The following IMPG1 variants were observed in gnomAD, a reference collection of about 807,000 sequenced individuals.
IMPG1 encodes interphotoreceptor matrix proteoglycan of 150 kDa.
Under a neutral mutation model 92.0 loss-of-function variants are expected in IMPG1, and 85 were observed. The observed-to-expected ratio is 0.92, with a 90% CI of 0.78 to 1.11. IMPG1 has a LOEUF of 1.11. Ranked by LOEUF, IMPG1 falls within the 50% of genes least tolerant of loss-of-function variation. The probability of loss-of-function intolerance (pLI) is 0.00; values close to 1 mark genes in which losing one functional copy is unlikely to be tolerated. For missense variants in IMPG1, 1,022 were observed against 956.0 expected, an observed-to-expected ratio of 1.07 and a Z score of -0.91; for synonymous variants, 367 against 334.1, an observed-to-expected ratio of 1.10 and a Z score of -1.08.
intron 12 of IMPG1, among the ~76,000 whole-genome samples, chr6:75,955,374 A>T (rs1157925063): frequency 6.6e-6 from 1 of 152,148 alleles, no homozygotes; most frequent in African/African-American, 2.4e-5. Flanking sequence ...TCTTTGTAGC[A>T]GTTGTGAATG....
At chr6:76,012,987 A>G (rs767370211) in intron 7 of IMPG1, among the ~76,000 whole-genome samples, 6 of 151,892 alleles carry the variant, frequency 4.0e-5, no homozygotes, top group African/African-American at 7.3e-5. Flanking sequence ...GAATTCCACA[A>G]GGTCTTTTGT....
chr6:76,034,531 G>T (rs886304892), intron 3 of IMPG1, 90 bp downstream of exon 3: 2 of 1,406,342 alleles, frequency 1.4e-6, no homozygotes, highest in East Asian at 2.3e-5. Context: ...TAACCCTTAC[G>T]TTGTGGAAAC....
chr6:75,985,135 G>A (rs1582086159), intron 12 of IMPG1, among the ~76,000 whole-genome samples: 1 of 151,952 alleles, frequency 6.6e-6, no homozygotes, highest in Non-Finnish European at 1.5e-5. Flanking sequence ...TTCTTTTTTT[G>A]TAAACAATAG....
chr6:75,984,314 G>A (rs1251853947), intron 12 of IMPG1, among the ~76,000 whole-genome samples: 1 of 152,168 alleles, frequency 6.6e-6, no homozygotes, highest in Non-Finnish European at 1.5e-5. Flanking sequence ...ATGGAATCAA[G>A]CTAAGTGTCC....
At chr6:76,035,165 T>C (rs1783718899) in intron 2 of IMPG1, among the ~76,000 whole-genome samples, 1 of 151,976 alleles carries the variant, frequency 6.6e-6, no homozygotes, top group African/African-American at 2.4e-5. Flanking sequence ...AGGATGTCAC[T>C]GTGGCCAGAG....
chr6:75,949,331 T>G (rs1031221503), intron 13 of IMPG1, among the ~76,000 whole-genome samples: 1 of 152,158 alleles, frequency 6.6e-6, no homozygotes, highest in Non-Finnish European at 1.5e-5. Flanking sequence ...AAAACCAAGA[T>G]GGCCATGAGA....
chr6:75,928,879 G>T (rs1340788576), intron 15 of IMPG1, among the ~76,000 whole-genome samples: 1 of 152,114 alleles, frequency 6.6e-6, no homozygotes. Context: ...TACATGTACG[G>T]GATCTTTTAT....
chr6:76,062,522 G>C (rs1784224276), intron 1 of IMPG1, among the ~76,000 whole-genome samples: 1 of 152,166 alleles, frequency 6.6e-6, no homozygotes, highest in African/African-American at 2.4e-5. Context: ...GCTGGCATAG[G>C]TTGTGTTTGG....
intron 12 of IMPG1, among the ~76,000 whole-genome samples, chr6:75,971,835 T>G (rs890934479): frequency 4.6e-5 from 7 of 152,234 alleles, no homozygotes; most frequent in Non-Finnish European, 1.0e-4. Context: ...TCAGGTGGAA[T>G]GTAATTGATT....
intron 1 of IMPG1, among the ~76,000 whole-genome samples, chr6:76,046,605 A>C (rs373699728): frequency 6.6e-6 from 1 of 152,222 alleles, no homozygotes; most frequent in Non-Finnish European, 1.5e-5. Flanking sequence ...CCAATGGTAC[A>C]CAGGGCCTGG....
intron 12 of IMPG1, among the ~76,000 whole-genome samples, chr6:75,973,716 T>C (rs1179685490): frequency 6.6e-6 from 1 of 152,184 alleles, no homozygotes; most frequent in Non-Finnish European, 1.5e-5. Flanking sequence ...CTACTGAGGC[T>C]AGGGTGGTGA....
At position 76,005,436 on chromosome 6, in the gene IMPG1, T is replaced by C. The variant is rs1363852894; in HGVS notation, c.986A>G (p.Lys329Arg). 6.2e-7 allele frequency: 1 copy of C among 1,613,954 alleles called. No individual in the cohort carries two copies. The highest frequency in any genetic ancestry group is 1.3e-5 in the African/African-American group (1 of 74,918). ...ASDLLSFDSN[K>R]IESEEVYHGT... ...ATGATAGACTTCCTCACTTTCAATT[T>C]TGTTGGAATCAAAAGACAGGAGGTC... The change falls in exon 10 of 17, where the codon AAA becomes AGA. Residue 329 changes from lysine (K) to arginine (R), a missense_variant. Coordinates refer to ENST00000369950, the MANE Select transcript of IMPG1 (RefSeq NM_001563.4).
At chr6:75,951,591 A>AT (rs397769586) in intron 12 of IMPG1, among the ~76,000 whole-genome samples, 2 of 99,832 alleles carry the variant, frequency 2.0e-5, no homozygotes, top group African/African-American at 3.2e-5. Context: ...ATGCAATTGG[A>AT]TTTTTTTGGT....
At chr6:76,005,186 T>G in intron 10 of IMPG1, 101 bp downstream of exon 10, 1 of 1,217,912 alleles carries the variant, frequency 8.2e-7, no homozygotes, top group Non-Finnish European at 1.2e-6. Flanking sequence ...ATGATCGACT[T>G]TAGAAGACCC....
chr6:75,990,482 G>T (rs1382984248), intron 12 of IMPG1, among the ~76,000 whole-genome samples: 1 of 151,930 alleles, frequency 6.6e-6, no homozygotes, highest in Non-Finnish European at 1.5e-5. Flanking sequence ...GGCCAGGCAT[G>T]GTGGTTCATG....
At chr6:75,943,532 C>A (rs1340579401) in intron 14 of IMPG1, among the ~76,000 whole-genome samples, 1 of 152,224 alleles carries the variant, frequency 6.6e-6, no homozygotes, top group African/African-American at 2.4e-5. Context: ...CAGGCCCTCA[C>A]CAGAAGCAGA....
chr6:75,942,175 A>G (rs148585548), intron 14 of IMPG1, among the ~76,000 whole-genome samples: 2,238 of 152,338 alleles, frequency 0.015, 29 homozygotes, highest in Middle Eastern at 0.034. Context: ...TAGATTCTTG[A>G]GATTCTCTCC....
At chr6:75,924,818 G>C (rs1781525075) in intron 15 of IMPG1, among the ~76,000 whole-genome samples, 1 of 121,350 alleles carries the variant, frequency 8.2e-6, no homozygotes, top group South Asian at 2.4e-4. Context: ...ATGAAATCCT[G>C]TTATTTGCCA....
Position 76,042,068 on chromosome 6 carries a change from A to G in IMPG1, c.126T>C (p.Asn42=). ...TTTTTTCAGTACTTTCAGTTGTTTC[A>G]TTTCTTGGGGGATTGTCTATGTCTT... ...ETKDIDNPPR[N]ETTESTEKMY... The change falls in exon 2 of 17, where the codon AAT becomes AAC. Residue 42 remains asparagine, a synonymous_variant. Coordinates refer to ENST00000369950, the MANE Select transcript of IMPG1 (RefSeq NM_001563.4). The G allele has an allele frequency of 6.2e-7, 1 of 1,610,410 alleles. No homozygotes were observed. The highest frequency in any genetic ancestry group is 8.5e-7 in the Non-Finnish European group (1 of 1,176,798).
Sources: allele counts gnomAD v4.1 joint callset (sites outside exome capture counted in the v4.1 genomes callset), GRCh38; gene constraint gnomAD v4.1.1; transcripts MANE v1.5; gene names NCBI Gene and HGNC (gene_info 2026-07-23, HGNC 2026-07-21).